The following PLCH1 variants were observed in gnomAD, a reference collection of about 807,000 sequenced individuals.
PLCH1 encodes phospholipase C eta 1.
Under a neutral mutation model 126.7 loss-of-function variants are expected in PLCH1, and 60 were observed. The observed-to-expected ratio is 0.47, with a 90% confidence interval of 0.38 to 0.59. PLCH1 has a LOEUF of 0.59. PLCH1 is among the 20% of genes least tolerant of loss of function. PLCH1 has a pLI of 0.00. For synonymous variants in PLCH1, 719 were observed against 734.9 expected (o/e 0.98, Z 0.35); for missense variants, 1,723 against 2,040.0 (o/e 0.84, Z 2.99).
In PLCH1 at chr3:155,506,354, T is replaced by C. The variant is rs928653566; in HGVS notation, c.1633-1728A>G. 9.2e-5 allele frequency among the ~76,000 whole-genome samples: 14 copies of C among 151,536 alleles called. No individual in the cohort carries two copies. In the South Asian group the frequency reaches 2.5e-3, roughly 27 times the overall value. On this transcript the variant is annotated intron_variant, in intron 12 of 22. Transcript: ENST00000460012. ...ATCCCATTCTCACTCTCTTTTTTTT[T>C]TTTTTTTTTTATTATACTTTAAGTT...
chr3:155,661,588 GA>G (rs1231514704), intron 2 of PLCH1, among the ~76,000 whole-genome samples: 2 of 152,094 alleles, frequency 1.3e-5, no homozygotes, highest in Admixed American at 1.3e-4. Flanking sequence ...ATGTTTGGGG[GA>G]AAAACAGCAA....
chr3:155,502,261 T>A (rs1164345321), intron 13 of PLCH1, among the ~76,000 whole-genome samples: 1 of 152,030 alleles, frequency 6.6e-6, no homozygotes, highest in Non-Finnish European at 1.5e-5. Context: ...GGCAAGAACA[T>A]CTATTTCAAA....
intron 2 of PLCH1, among the ~76,000 whole-genome samples, chr3:155,683,612 G>A (rs1209452134): frequency 2.0e-5 from 3 of 152,164 alleles, no homozygotes; most frequent in Non-Finnish European, 4.4e-5. Flanking sequence ...AAAGTACCCA[G>A]ACTTTGTAAA....
At chr3:155,468,998 C>T (rs181259721) in intron 21 of PLCH1, among the ~76,000 whole-genome samples, 1 of 152,182 alleles carries the variant, frequency 6.6e-6, no homozygotes, top group Admixed American at 6.5e-5. Context: ...GGGTCATTCT[C>T]AAGGACAGAC....
chr3:155,666,370 T>G (rs980392144), intron 2 of PLCH1, among the ~76,000 whole-genome samples: 17 of 152,228 alleles, frequency 1.1e-4, no homozygotes, highest in Non-Finnish European at 2.2e-4. Context: ...TCTTTTAATT[T>G]TTGAAAACAC....
chr3:155,646,876 C>T (rs1226740956), intron 2 of PLCH1, among the ~76,000 whole-genome samples: 2 of 152,200 alleles, frequency 1.3e-5, no homozygotes, highest in African/African-American at 4.8e-5. Context: ...AGCAATGAAG[C>T]ACAAGGAACA....
At chr3:155,733,746 T>C (rs1019995063) in intron 1 of PLCH1, among the ~76,000 whole-genome samples, 1 of 151,636 alleles carries the variant, frequency 6.6e-6, no homozygotes, top group South Asian at 2.1e-4. Context: ...AGAGAATGAA[T>C]AAAGAGACGA....
chr3:155,705,388 C>T (rs902427943), intron 1 of PLCH1, among the ~76,000 whole-genome samples: 11 of 152,116 alleles, frequency 7.2e-5, no homozygotes, highest in African/African-American at 2.2e-4. Context: ...CCGTGCTGGA[C>T]TGGCCACTTC....
At chr3:155,517,674 A>G (rs938959684) in intron 11 of PLCH1, among the ~76,000 whole-genome samples, 1 of 152,182 alleles carries the variant, frequency 6.6e-6, no homozygotes, top group Non-Finnish European at 1.5e-5. Flanking sequence ...ATTATCTTGA[A>G]GTCCTTAACT....
chr3:155,733,680 A>C (rs1264043191), intron 1 of PLCH1, among the ~76,000 whole-genome samples: 2 of 152,240 alleles, frequency 1.3e-5, no homozygotes, highest in Non-Finnish European at 2.9e-5. Flanking sequence ...ATATGACCCC[A>C]AAAGCACAAT....
Position 155,482,662 on chromosome 3 carries a change from G to A in PLCH1, c.3364C>T (p.His1122Tyr). 6.2e-7 allele frequency: 1 copy of A among 1,614,198 alleles called. No homozygotes were observed. The highest frequency in any genetic ancestry group is 8.5e-7 in the Non-Finnish European group (1 of 1,180,038). The stretch of plus-strand genomic sequence containing the variant: ...AGGTTCTTAATTTCTAGGTTGCTAT[G>A]AGAAAGGACGCTTCCTGACAAGATG... ...KSILSGSVLSHSNLEIKNLEG... is the reference protein window; with the variant it reads ...KSILSGSVLSYSNLEIKNLEG... The change falls in exon 23 of 23, where the codon CAT (histidine) becomes TAT (tyrosine). Residue 1122 changes from histidine to tyrosine, a missense_variant. Around this residue, in one of 2 missense-constraint regions of PLCH1, gnomAD observed 947 missense variants for 977.1 expected, o/e 0.97. Coordinates refer to ENST00000460012, the MANE Select transcript of PLCH1 (RefSeq NM_014996.4).
At chr3:155,605,065 C>G (rs1270798708) in intron 2 of PLCH1, among the ~76,000 whole-genome samples, 2 of 152,200 alleles carry the variant, frequency 1.3e-5, no homozygotes, top group Non-Finnish European at 2.9e-5. Flanking sequence ...CAGTTATAAA[C>G]TTTGCTTTGG....
chr3:155,480,933 A>G lies in PLCH1; in HGVS notation c.*35T>C, dbSNP rs1560039634. 6.8e-7 allele frequency: 1 copy of G among 1,477,326 alleles called. No homozygotes were observed. Among genetic ancestry groups the G allele is most frequent in the Non-Finnish European group, 9.1e-7 (1 of 1,095,386 alleles). The allele number at this position is 1,477,326 out of a possible 1,614,324, so 91.5% of individuals were successfully genotyped here. On this transcript the variant is annotated 3_prime_UTR_variant, in exon 23 of 23. Coordinates refer to ENST00000460012, the MANE Select transcript of PLCH1 (RefSeq NM_014996.4). ...TGAAAACTCTGACATTCTACAGAAT[A>G]CCTTGAAAACCTTAAGAATGCAGTT... is the stretch of plus-strand genomic sequence containing the variant.
chr3:155,596,259 G>T lies in PLCH1; in HGVS notation c.199C>A (p.Pro67Thr), dbSNP rs1328728272. The T allele has an allele frequency of 2.5e-6, 4 of 1,613,444 alleles. No homozygotes were observed. The highest frequency in any genetic ancestry group is 1.1e-5 in the South Asian group (1 of 91,002). Residue 67 changes from proline (P) to threonine (T), a missense_variant, in exon 3 of 23, where the codon CCC becomes ACC. Physicochemically the swap from Pro to Thr is conservative, Grantham distance 38. This residue lies in a region of PLCH1 where 776 missense variants were observed against 1,062.9 expected (regional missense o/e 0.73). Transcript: ENST00000460012. ...DEHRTRLRWR[P>T]SRKSEKAKIL... ...TTTGCCTTCTCACTCTTCCTAGAGG[G>T]TCGCCATCGGAGGCGTGTCCGGTGC...
rs1714913593 is a variant in PLCH1 at position 155,485,464 on chromosome 3, A to C, written c.2866T>G (p.Leu956Val). The C allele has an allele frequency of 6.2e-7, 1 of 1,613,984 alleles. No individual in the cohort carries two copies. Among genetic ancestry groups the C allele is most frequent in the Non-Finnish European group, 8.5e-7 (1 of 1,179,988 alleles). The change falls in exon 22 of 23, where the codon TTG becomes GTG. Residue 956 changes from leucine (L) to valine (V), a missense_variant. Around this residue, in one of 2 missense-constraint regions of PLCH1, gnomAD observed 947 missense variants for 977.1 expected, o/e 0.97. Transcript: ENST00000460012. ...GGCATAGAGACAGGGCGTGCTTGCA[A>C]ACTGCGTGTGGTCCTCCTCAGCACG... ...DGVLRRTTRS[L>V]QARPVSMPVD...
intron 1 of PLCH1, among the ~76,000 whole-genome samples, chr3:155,740,502 C>A (rs901807415): frequency 6.6e-6 from 1 of 151,844 alleles, no homozygotes; most frequent in Non-Finnish European, 1.5e-5. Context: ...GATGTTTGAC[C>A]ACCTTATATT....
intron 2 of PLCH1, among the ~76,000 whole-genome samples, chr3:155,615,508 A>G (rs1735692716): frequency 6.6e-6 from 1 of 152,228 alleles, no homozygotes; most frequent in Non-Finnish European, 1.5e-5. Flanking sequence ...AGTACAATTC[A>G]CAATTGCAAA....
chr3:155,557,631 T>C (rs1192925695), intron 8 of PLCH1, among the ~76,000 whole-genome samples: 5 of 152,174 alleles, frequency 3.3e-5, no homozygotes, highest in Admixed American at 1.3e-4. Context: ...GGCAGTGAAG[T>C]TTCCTGTAAG....
At position 155,480,782 on chromosome 3, in the gene PLCH1, T is replaced by C. The variant is rs957669294; in HGVS notation, c.*186A>G. The C allele has an allele frequency of 2.0e-5, 12 of 585,396 alleles. No individual in the cohort carries two copies. Among genetic ancestry groups the C allele is most frequent in the Non-Finnish European group, 3.3e-5 (11 of 331,972 alleles). 36.3% of individuals were successfully genotyped at this position (585,396 alleles called of 1,614,324 possible). On this transcript the variant is annotated 3_prime_UTR_variant, in exon 23 of 23. Transcript: ENST00000460012. Reference sequence around the variant, plus strand: ...AGGGAGAAAGATCATAATAGGTACATGGGAAATGTCACCAAATCTATATAC... The same window carrying C: ...AGGGAGAAAGATCATAATAGGTACACGGGAAATGTCACCAAATCTATATAC...
Sources: gnomAD v4.1 joint callset for allele counts (sites outside exome capture counted in the v4.1 genomes callset) on GRCh38, gnomAD v4.1.1 for gene constraint, gnomAD v4.1.1 regional missense constraint, MANE v1.5 for transcripts, NCBI Gene and HGNC (gene_info 2026-07-23, HGNC 2026-07-21) for gene names.